The following CDH12 variants were observed in gnomAD, a reference collection of about 807,000 sequenced individuals.
CDH12 encodes the protein cadherin-12.
In CDH12, 41 loss-of-function variants were observed where a neutral mutation model predicts 74.1. The ratio of observed to expected loss-of-function variants is 0.55; its 90% confidence interval spans 0.43 to 0.72. The LOEUF (loss-of-function observed/expected upper bound fraction) is 0.72. CDH12 is among the 30% of genes least tolerant of loss of function. The probability of loss-of-function intolerance (pLI) is 0.00; values close to 1 mark genes in which losing one functional copy is unlikely to be tolerated. For synonymous variants in CDH12, 399 were observed against 355.0 expected (o/e 1.12, Z -1.39); for missense variants, 945 against 977.2 (o/e 0.97, Z 0.44).
chr5:22,743,413 G>C (rs1745135995), intron 1 of CDH12, among the ~76,000 whole-genome samples: 1 of 151,686 alleles, frequency 6.6e-6, no homozygotes, highest in Admixed American at 6.6e-5. Flanking sequence ...CTGGCTGGGG[G>C]AAGCAGTATT....
chr5:22,227,652 T>G (rs1418476257), intron 3 of CDH12, among the ~76,000 whole-genome samples: 3 of 152,134 alleles, frequency 2.0e-5, no homozygotes, highest in Non-Finnish European at 4.4e-5. Context: ...TTATAATATA[T>G]TCTCTTTCAT....
intron 1 of CDH12, among the ~76,000 whole-genome samples, chr5:22,621,670 T>C (rs1317046253): frequency 6.6e-6 from 1 of 152,106 alleles, no homozygotes; most frequent in Non-Finnish European, 1.5e-5. Context: ...TTGATAACAT[T>C]AGAAATAATA....
chr5:22,220,753 T>C (rs1318533663), intron 3 of CDH12, among the ~76,000 whole-genome samples: 2 of 151,818 alleles, frequency 1.3e-5, no homozygotes, highest in African/African-American at 4.8e-5. Context: ...CCTGACTTCA[T>C]TCAAGGTGCA....
chr5:22,472,607 G>C (rs939429012), intron 2 of CDH12, among the ~76,000 whole-genome samples: 1 of 151,834 alleles, frequency 6.6e-6, no homozygotes, highest in Non-Finnish European at 1.5e-5. Context: ...AGCATCTCTG[G>C]CTTCTATGTT....
intron 4 of CDH12, among the ~76,000 whole-genome samples, chr5:22,081,555 G>A (rs1469979691): frequency 6.6e-6 from 1 of 152,096 alleles, no homozygotes; most frequent in East Asian, 1.9e-4. Context: ...ATGCCATTAG[G>A]TTGCATTTCT....
intron 3 of CDH12, among the ~76,000 whole-genome samples, chr5:22,338,892 A>G (rs1739718935): frequency 6.6e-6 from 1 of 152,316 alleles, no homozygotes; most frequent in Admixed American, 6.5e-5. Context: ...AAGGGAACAA[A>G]TGGGACCTCC....
chr5:22,783,207 T>C (rs1747468468), intron 1 of CDH12, among the ~76,000 whole-genome samples: 1 of 152,108 alleles, frequency 6.6e-6, no homozygotes, highest in Non-Finnish European at 1.5e-5. Flanking sequence ...TTTATAAATA[T>C]GCACGTGCCA....
At chr5:22,720,011 C>T (rs993063711) in intron 1 of CDH12, among the ~76,000 whole-genome samples, 23 of 149,550 alleles carry the variant, frequency 1.5e-4, no homozygotes, top group Admixed American at 2.7e-4. Flanking sequence ...AAACTGCTGC[C>T]TCAGCACTAG....
At chr5:21,998,491 TC>T (rs1736426110) in intron 5 of CDH12, among the ~76,000 whole-genome samples, 1 of 152,158 alleles carries the variant, frequency 6.6e-6, no homozygotes, top group South Asian at 2.1e-4. Flanking sequence ...CACAAATAGT[TC>T]CCTGCTTAAA....
chr5:21,805,926 G>A (rs1423031806), intron 9 of CDH12, among the ~76,000 whole-genome samples: 1 of 152,112 alleles, frequency 6.6e-6, no homozygotes, highest in Non-Finnish European at 1.5e-5. Flanking sequence ...CCTCTCAAAG[G>A]GGAAGAAATG....
intron 6 of CDH12, among the ~76,000 whole-genome samples, chr5:21,961,262 G>T (rs2910520): frequency 0.039 from 5,957 of 152,106 alleles, 385 homozygotes; most frequent in African/African-American, 0.14. Flanking sequence ...CATTGCTAAT[G>T]AGCTTAACCT....
chr5:21,798,721 G>A (rs10055385), intron 10 of CDH12, among the ~76,000 whole-genome samples: 5,418 of 152,124 alleles, frequency 0.036, 284 homozygotes, highest in African/African-American at 0.12. Context: ...ACTTTCTGCT[G>A]AATAGAAACC....
chr5:22,820,186 A>T (rs1190208626), intron 1 of CDH12, among the ~76,000 whole-genome samples: 1 of 151,870 alleles, frequency 6.6e-6, no homozygotes. Context: ...AAGGTTAAAA[A>T]TAATTGGAGT....
At chr5:22,818,899 T>C (rs1749526484) in intron 1 of CDH12, among the ~76,000 whole-genome samples, 1 of 152,112 alleles carries the variant, frequency 6.6e-6, no homozygotes, top group Admixed American at 6.6e-5. Context: ...GTAAATAATA[T>C]GTGTTTTGTG....
chr5:22,591,842 A>T (rs993027024), intron 1 of CDH12, among the ~76,000 whole-genome samples: 5 of 152,214 alleles, frequency 3.3e-5, no homozygotes, highest in African/African-American at 1.2e-4. Flanking sequence ...TGTTGGCATT[A>T]CATTTTCTTT....
rs1561268258 is a variant in CDH12 at position 21,880,608 on chromosome 5, CTT to C, written c.527-25820_527-25819del. On this transcript the variant is annotated intron_variant, in intron 6 of 14. Transcript: ENST00000382254. The stretch of plus-strand genomic sequence containing the variant: ...CCTTCCTTCCTTCCTTCCTTCCTTC[CTT>C]CCTTCCTTCTTTCTTTCTTTCTTTC... 8.2e-4 allele frequency among the ~76,000 whole-genome samples: 54 copies of C among 65,732 alleles called. 1 individual carries two copies. The highest frequency in any genetic ancestry group is 3.5e-3 in the African/African-American group (54 of 15,610). The allele number at this position is 65,732 out of a possible 152,430, so 43.1% of individuals were successfully genotyped here. A position where few individuals can be genotyped will look rare whatever the true frequency, so the allele number is the denominator to read the frequency against.
Position 22,479,303 on chromosome 5 carries a change from G to T in CDH12, c.-428+25967C>A, listed in dbSNP as rs563820872. Reference sequence around the variant, plus strand: ...TCCTAGTGGACTATAACAAGTATTTGTTCAACATCTTTTAAAAGCATTTAC... The same window carrying T: ...TCCTAGTGGACTATAACAAGTATTTTTTCAACATCTTTTAAAAGCATTTAC... On this transcript the variant is annotated intron_variant, in intron 2 of 14. Coordinates refer to ENST00000382254, the MANE Select transcript of CDH12 (RefSeq NM_004061.5). Among the ~76,000 whole-genome samples, 5 of 152,232 alleles carry T rather than the reference G, an allele frequency of 3.3e-5. No individual in the cohort carries two copies. The South Asian group carries it at 8.3e-4, about 25-fold the overall frequency.
intron 1 of CDH12, among the ~76,000 whole-genome samples, chr5:22,524,959 C>A (rs191272893): frequency 1.3e-4 from 18 of 138,454 alleles, no homozygotes; most frequent in Admixed American, 2.2e-4. Flanking sequence ...ATCCCTCCCC[C>A]CTCCCTCCAC....
intron 1 of CDH12, among the ~76,000 whole-genome samples, chr5:22,713,601 A>G (rs928013153): frequency 6.6e-6 from 1 of 152,048 alleles, no homozygotes; most frequent in African/African-American, 2.4e-5. Context: ...TGTTTTCAAT[A>G]AATTATCGAT....
Sources: gnomAD v4.1 joint callset for allele counts (sites outside exome capture counted in the v4.1 genomes callset) on GRCh38, gnomAD v4.1.1 for gene constraint, MANE v1.5 for transcripts, NCBI Gene and HGNC (gene_info 2026-07-23, HGNC 2026-07-21) for gene names.